The following PDE10A variants were observed in gnomAD, a reference collection of about 807,000 sequenced individuals.
The protein encoded by PDE10A is phosphodiesterase 10A, also known as cAMP and cAMP-inhibited cGMP 3',5'-cyclic phosphodiesterase 10A.
PDE10A carries 39 observed loss-of-function variants against 97.7 expected under a neutral mutation model. The observed-to-expected ratio is 0.40, with a 90% CI of 0.31 to 0.52. The LOEUF is 0.52. Among genes scored for constraint, PDE10A ranks in the 20% least tolerant of loss-of-function variants. The pLI is 0.56. For synonymous variants in PDE10A, 371 were observed against 376.8 expected (o/e 0.98, Z 0.18); for missense variants, 731 against 1,047.8 (o/e 0.70, Z 4.17).
At chr6:165,639,064 C>CAG (rs376022884) in intron 1 of PDE10A, among the ~76,000 whole-genome samples, 21 of 146,962 alleles carry the variant, frequency 1.4e-4, no homozygotes, top group South Asian at 2.2e-4. Context: ...GGGAGGGAGA[C>CAG]AGAGAGAGAG....
At chr6:165,958,047 A>G (rs1784191387) in intron 1 of PDE10A, among the ~76,000 whole-genome samples, 2 of 152,172 alleles carry the variant, frequency 1.3e-5, no homozygotes, top group Admixed American at 1.3e-4. Flanking sequence ...AAAATTATTG[A>G]GACATATTTC....
chr6:165,817,531 G>T (rs1023475624), intron 1 of PDE10A, among the ~76,000 whole-genome samples: 2 of 152,230 alleles, frequency 1.3e-5, no homozygotes, highest in African/African-American at 2.4e-5. Context: ...CAGGCAATGT[G>T]GTGTACCCCT....
intron 1 of PDE10A, among the ~76,000 whole-genome samples, chr6:165,834,017 T>C (rs1780003974): frequency 6.6e-6 from 1 of 152,240 alleles, no homozygotes; most frequent in African/African-American, 2.4e-5. Flanking sequence ...GAGGACAATG[T>C]AGCCACTGGA....
chr6:165,768,119 T>C (rs1198956227), intron 1 of PDE10A, among the ~76,000 whole-genome samples: 1 of 152,232 alleles, frequency 6.6e-6, no homozygotes, highest in African/African-American at 2.4e-5. Flanking sequence ...TTGCACATTT[T>C]TTTGTAAATT....
intron 1 of PDE10A, among the ~76,000 whole-genome samples, chr6:165,865,453 G>C (rs1781015552): frequency 6.6e-6 from 1 of 151,626 alleles, no homozygotes; most frequent in Admixed American, 6.6e-5. Flanking sequence ...CCAAAGAAAA[G>C]GAAATCCATG....
intron 1 of PDE10A, among the ~76,000 whole-genome samples, chr6:165,801,297 C>T (rs1778982235): frequency 6.6e-6 from 1 of 152,232 alleles, no homozygotes; most frequent in Non-Finnish European, 1.5e-5. Flanking sequence ...GTAAACCCAA[C>T]ACTTTGGGAG....
intron 1 of PDE10A, among the ~76,000 whole-genome samples, chr6:165,732,908 TC>T (rs1400056479): frequency 1.3e-5 from 2 of 152,212 alleles, no homozygotes; most frequent in Non-Finnish European, 2.9e-5. Context: ...GCCAGGGCTC[TC>T]CTTCGCGTGC....
At chr6:165,360,985 CAAG>C (rs1783376828) in intron 18 of PDE10A, among the ~76,000 whole-genome samples, 1 of 152,136 alleles carries the variant, frequency 6.6e-6, no homozygotes, top group African/African-American at 2.4e-5. Flanking sequence ...AGAACAGGAA[CAAG>C]AAGAATGCCT....
At chr6:165,359,178 G>A (rs539903948) in intron 18 of PDE10A, among the ~76,000 whole-genome samples, 5 of 152,046 alleles carry the variant, frequency 3.3e-5, no homozygotes, top group Admixed American at 6.5e-5. Flanking sequence ...CTGTTAATAT[G>A]TTCTATTTAT....
intron 1 of PDE10A, among the ~76,000 whole-genome samples, chr6:165,813,090 C>T (rs976659010): frequency 6.6e-6 from 1 of 152,184 alleles, no homozygotes; most frequent in Non-Finnish European, 1.5e-5. Context: ...GTTCTATACA[C>T]GCTTGTCCTT....
intron 19 of PDE10A, among the ~76,000 whole-genome samples, chr6:165,341,042 G>C (rs1016944149): frequency 6.6e-6 from 1 of 152,214 alleles, no homozygotes; most frequent in African/African-American, 2.4e-5. Flanking sequence ...ATTCTAAAAG[G>C]TAATGGCAAG....
chr6:165,423,390 G>A (rs914136957), intron 10 of PDE10A, among the ~76,000 whole-genome samples: 6 of 152,280 alleles, frequency 3.9e-5, no homozygotes, highest in South Asian at 2.1e-4. Context: ...CCACCTGGCC[G>A]CAGGGCGTCT....
In PDE10A at chr6:165,617,543, G is replaced by A. The variant is rs140823666; in HGVS notation, c.865+44404C>T. On this transcript the variant is annotated intron_variant, in intron 1 of 21. Transcript: ENST00000539869. ...GCCATTAATATTAAATTATCAGTGA[G>A]TGTTAAAGTGGGGGAGGTGGGAGTA... is the stretch of plus-strand genomic sequence containing the variant. Among the ~76,000 whole-genome samples, 1,174 of 152,218 alleles carry A rather than the reference G, an allele frequency of 7.7e-3. 3 individuals carry two copies. The highest frequency in any genetic ancestry group is 0.012 in the Non-Finnish European group (803 of 68,024).
intron 1 of PDE10A, among the ~76,000 whole-genome samples, chr6:165,963,775 C>T (rs538235728): frequency 5.3e-5 from 8 of 152,348 alleles, no homozygotes; most frequent in South Asian, 4.1e-4. Flanking sequence ...CCTGCTGGCA[C>T]GTCCTCCTTG....
At chr6:165,922,412 C>T (rs766798850) in intron 1 of PDE10A, among the ~76,000 whole-genome samples, 3 of 152,234 alleles carry the variant, frequency 2.0e-5, no homozygotes, top group South Asian at 2.1e-4. Context: ...CTGAGGTATG[C>T]GGCAGATGGC....
intron 1 of PDE10A, among the ~76,000 whole-genome samples, chr6:165,888,948 A>G (rs1781704422): frequency 6.6e-6 from 1 of 152,272 alleles, no homozygotes; most frequent in South Asian, 2.1e-4. Context: ...GCAGTCAATC[A>G]GAAGTCCTGC....
At chr6:165,350,922 T>C (rs988250445) in intron 18 of PDE10A, among the ~76,000 whole-genome samples, 5 of 152,156 alleles carry the variant, frequency 3.3e-5, no homozygotes, top group African/African-American at 9.7e-5. Flanking sequence ...AAACTGTGAG[T>C]AAATTAAACC....
intron 3 of PDE10A, among the ~76,000 whole-genome samples, chr6:165,470,959 A>G (rs148457610): frequency 3.1e-3 from 469 of 152,300 alleles, no homozygotes; most frequent in African/African-American, 0.011. Context: ...GCTTTCCTAT[A>G]TATTTACCAC....
chr6:165,766,097 T>A (rs1341339617), intron 1 of PDE10A, among the ~76,000 whole-genome samples: 1 of 152,196 alleles, frequency 6.6e-6, no homozygotes, highest in East Asian at 1.9e-4. Context: ...TCTCAGCTTG[T>A]TAGTCCCGCC....
Sources: allele counts gnomAD v4.1 joint callset (sites outside exome capture counted in the v4.1 genomes callset), GRCh38; gene constraint gnomAD v4.1.1; transcripts MANE v1.5; gene names NCBI Gene and HGNC (gene_info 2026-07-23, HGNC 2026-07-21).